Variants in PIK3C2G observed in about 807,000 individuals in gnomAD.
PIK3C2G encodes the protein phosphatidylinositol-4-phosphate 3-kinase catalytic subunit type 2 gamma, also known as phosphatidylinositol 3-kinase C2 domain-containing subunit gamma.
PIK3C2G carries 168 observed loss-of-function variants against 181.1 expected under a neutral mutation model. The observed-to-expected ratio is 0.93, with a 90% CI of 0.82 to 1.05. PIK3C2G has a LOEUF of 1.05. Ranked by LOEUF, PIK3C2G falls within the 50% of genes least tolerant of loss-of-function variation. The probability of loss-of-function intolerance (pLI) is 0.00; values close to 1 mark genes in which losing one functional copy is unlikely to be tolerated. For synonymous variants in PIK3C2G, 573 were observed against 592.2 expected (o/e 0.97, Z 0.47); for missense variants, 1,869 against 1,732.8 (o/e 1.08, Z -1.40).
chr12:18,644,036 C>A (rs1459790024), intron 32 of PIK3C2G, among the ~76,000 whole-genome samples: 1 of 152,154 alleles, frequency 6.6e-6, no homozygotes, highest in Non-Finnish European at 1.5e-5. Context: ...CCTCCTTTCT[C>A]CTTAATATCC....
At chr12:18,530,768 C>G (rs1011114350) in intron 24 of PIK3C2G, among the ~76,000 whole-genome samples, 1 of 152,052 alleles carries the variant, frequency 6.6e-6, no homozygotes, top group East Asian at 1.9e-4. Flanking sequence ...TGTAGCACTT[C>G]CCCCTCACCT....
chr12:18,584,668 C>T (rs895100224), intron 29 of PIK3C2G, among the ~76,000 whole-genome samples: 2 of 151,896 alleles, frequency 1.3e-5, no homozygotes, highest in African/African-American at 2.4e-5. Flanking sequence ...GAGAGGAAAA[C>T]AATAAAACTC....
At chr12:18,435,279 G>A (rs1592252445) in intron 18 of PIK3C2G, among the ~76,000 whole-genome samples, 1 of 151,888 alleles carries the variant, frequency 6.6e-6, no homozygotes, top group East Asian at 1.9e-4. Context: ...TTGTCTTTAA[G>A]TTGTCCTTTC....
At chr12:18,288,053 T>G (rs561956330) in intron 3 of PIK3C2G, among the ~76,000 whole-genome samples, 1 of 151,998 alleles carries the variant, frequency 6.6e-6, no homozygotes, top group South Asian at 2.1e-4. Context: ...TCCCAGCTAC[T>G]CGGGAGGCTG....
intron 6 of PIK3C2G, among the ~76,000 whole-genome samples, chr12:18,316,736 A>G (rs1263557781): frequency 6.6e-6 from 1 of 151,994 alleles, no homozygotes; most frequent in Non-Finnish European, 1.5e-5. Context: ...TCTCAAAATA[A>G]TAATAATAAT....
intron 10 of PIK3C2G, among the ~76,000 whole-genome samples, chr12:18,345,667 G>A (rs372813217): frequency 2.0e-4 from 31 of 152,054 alleles, no homozygotes; most frequent in African/African-American, 7.2e-4. Context: ...AGAAACAAAA[G>A]GCAATTCATG....
chr12:18,513,812 GA>G (rs1393047341), intron 24 of PIK3C2G, among the ~76,000 whole-genome samples: 1 of 151,544 alleles, frequency 6.6e-6, no homozygotes, highest in African/African-American at 2.4e-5. Flanking sequence ...ACAACTGTGT[GA>G]TTTTTTTTCT....
At chr12:18,510,530 T>C (rs1942137251) in intron 24 of PIK3C2G, among the ~76,000 whole-genome samples, 3 of 152,206 alleles carry the variant, frequency 2.0e-5, no homozygotes, top group Non-Finnish European at 4.4e-5. Flanking sequence ...TTTCATACTT[T>C]TATTTTTTAG....
intron 24 of PIK3C2G, among the ~76,000 whole-genome samples, chr12:18,536,413 A>G (rs1315115149): frequency 6.6e-6 from 1 of 152,080 alleles, no homozygotes; most frequent in Non-Finnish European, 1.5e-5. Flanking sequence ...TCTTATCTCC[A>G]TTTTACAAAG....
chr12:18,621,460 G>T (rs748505302), intron 31 of PIK3C2G, among the ~76,000 whole-genome samples: 4 of 151,756 alleles, frequency 2.6e-5, no homozygotes, highest in East Asian at 1.9e-4. Context: ...GTTAGAAAAA[G>T]AATTATATCT....
intron 18 of PIK3C2G, among the ~76,000 whole-genome samples, chr12:18,465,647 G>A (rs964296039): frequency 1.3e-5 from 2 of 151,778 alleles, no homozygotes; most frequent in African/African-American, 4.8e-5. Context: ...AACTGTTGCT[G>A]TTGAGAAATC....
chr12:18,645,965 T>C (rs962890020), intron 32 of PIK3C2G, among the ~76,000 whole-genome samples: 2 of 152,146 alleles, frequency 1.3e-5, no homozygotes, highest in Non-Finnish European at 2.9e-5. Flanking sequence ...CTGAACATGA[T>C]GTAGGAAGAA....
At chr12:18,700,012 C>A in the PIK3C2G span, 1 of 1,426,054 alleles carries the variant, frequency 7.0e-7, no homozygotes, top group Non-Finnish European at 9.7e-7. Context: ...AAAATTTTTT[C>A]TAGTAAAGAA....
chr12:18,261,854 C>T (rs1948251103), intron 1 of PIK3C2G, among the ~76,000 whole-genome samples: 1 of 152,052 alleles, frequency 6.6e-6, no homozygotes, highest in Non-Finnish European at 1.5e-5. Flanking sequence ...TTCTCTCTCT[C>T]TCCAGCTAGC....
chr12:18,630,842 A>G (rs1452623666), intron 31 of PIK3C2G, among the ~76,000 whole-genome samples: 2 of 152,126 alleles, frequency 1.3e-5, no homozygotes, highest in Non-Finnish European at 2.9e-5. Flanking sequence ...TCAACCTACC[A>G]TGAGTAAGGA....
At chr12:18,455,554 A>G (rs1401230960) in intron 18 of PIK3C2G, among the ~76,000 whole-genome samples, 3 of 152,098 alleles carry the variant, frequency 2.0e-5, no homozygotes, top group Non-Finnish European at 4.4e-5. Flanking sequence ...AATACCATAA[A>G]CCAAGTGGCT....
At chr12:18,259,284 A>G (rs1948179580), upstream of PIK3C2G, among the ~76,000 whole-genome samples, 1 of 152,166 alleles carries the variant, frequency 6.6e-6, no homozygotes, top group Non-Finnish European at 1.5e-5. Flanking sequence ...TACAAATAAC[A>G]TTAAAAAGAG....
At chr12:18,292,210 C>CAAAAAAAAAAAAAAAAAAAAA (rs745371375) in intron 4 of PIK3C2G, among the ~76,000 whole-genome samples, 1 of 28,620 alleles carries the variant, frequency 3.5e-5, no homozygotes, top group Non-Finnish European at 6.4e-5. Flanking sequence ...AACTCCATCT[C>CAAAAAAAAAAAAAAAAAAAAA]AAAAAAAAAA....
intron 15 of PIK3C2G, among the ~76,000 whole-genome samples, chr12:18,393,291 A>G (rs1035933812): frequency 6.6e-6 from 1 of 152,112 alleles, no homozygotes; most frequent in Non-Finnish European, 1.5e-5. Flanking sequence ...AAAATTATTA[A>G]TGATCAGTGT....
Sources: allele counts gnomAD v4.1 joint callset (sites outside exome capture counted in the v4.1 genomes callset), GRCh38; gene constraint gnomAD v4.1.1; transcripts MANE v1.5; gene names NCBI Gene and HGNC (gene_info 2026-07-23, HGNC 2026-07-21).